The following MAN2B2 variants were observed in gnomAD, a reference collection of about 807,000 sequenced individuals.
MAN2B2 encodes the protein mannosidase alpha class 2B member 2, also known as epididymis-specific alpha-mannosidase.
MAN2B2 carries 106 observed loss-of-function variants against 117.1 expected under a neutral mutation model. The ratio of observed to expected loss-of-function variants is 0.90; its 90% CI spans 0.77 to 1.06. MAN2B2 has a LOEUF of 1.06. Among genes scored for constraint, MAN2B2 ranks in the 50% least tolerant of loss-of-function variants. MAN2B2 has a pLI of 0.00. For synonymous variants in MAN2B2, 544 were observed against 595.1 expected, an observed-to-expected ratio of 0.91 and a Z score of 1.25; for missense variants, 1,326 against 1,381.4, an observed-to-expected ratio of 0.96 and a Z score of 0.64.
chr4:6,592,137 G>A (rs1726884324), intron 5 of MAN2B2, among the ~76,000 whole-genome samples: 1 of 152,246 alleles, frequency 6.6e-6, no homozygotes, highest in Admixed American at 6.5e-5. Context: ...CAGGTGCTTA[G>A]CCTCTCTTGG....
At chr4:6,579,084 CCAT>C (rs1560634295) in intron 3 of MAN2B2, among the ~76,000 whole-genome samples, 76 of 74,304 alleles carry the variant, frequency 1.0e-3, no homozygotes, top group Non-Finnish European at 1.2e-3. Flanking sequence ...ACCACCACCA[CCAT>C]CACCATCACC....
chr4:6,593,600 C>A (rs548448398), intron 6 of MAN2B2, among the ~76,000 whole-genome samples: 1 of 152,238 alleles, frequency 6.6e-6, no homozygotes, highest in African/African-American at 2.4e-5. Context: ...CTGCCTGGGC[C>A]GGGCTGGCTC....
intron 8 of MAN2B2, 109 bp from the exon 9 acceptor site, chr4:6,598,089 T>C: frequency 7.9e-7 from 1 of 1,263,628 alleles, no homozygotes; most frequent in South Asian, 1.4e-5. Context: ...CCTTCTCCAC[T>C]GGCACCTGGC....
Position 6,605,214 on chromosome 4 carries a change from C to T in MAN2B2, c.1699C>T (p.Arg567Cys), listed in dbSNP as rs202121114. 2.4e-4 allele frequency: 380 copies of T among 1,614,204 alleles called. No homozygotes were observed. Among genetic ancestry groups the T allele is most frequent in the Non-Finnish European group, 2.8e-4 (327 of 1,180,032 alleles). ...TGTGGCGAGCACCCTTCAATTTGGC[C>T]GCAGGCTGAGGAGACGCACCAGCCA... ...ATVASTLQFG[R>C]RLRRRTSHAG... Residue 567 changes from arginine to cysteine, a missense_variant, in exon 11 of 19, where the codon CGC (arginine) becomes TGC (cysteine). Physicochemically the swap from Arg to Cys is radical, Grantham distance 180. Transcript: ENST00000285599.
At position 6,579,265 on chromosome 4, in the gene MAN2B2, CCACCATCACCACCACCAT is replaced by C. The variant is rs1560634864; in HGVS notation, c.391+791_391+808del. 2.3e-4 allele frequency among the ~76,000 whole-genome samples: 21 copies of C among 91,770 alleles called. 1 individual carries two copies. The highest frequency in any genetic ancestry group is 7.6e-4 in the Admixed American group (7 of 9,262). The allele number at this position is 91,770 out of a possible 152,430, so 60.2% of individuals were successfully genotyped here. A position where few individuals can be genotyped will look rare whatever the true frequency, so the allele number is the denominator to read the frequency against. On this transcript the variant is annotated intron_variant, in intron 3 of 18. Transcript: ENST00000285599. ...CCACCCTTCACCACCATCACCACCA[CCACCATCACCACCACCAT>C]CACCATCACCACCACCATCACCACC...
Position 6,609,839 on chromosome 4 carries a change from G to C in MAN2B2, c.2048G>C (p.Arg683Pro). 1 of 1,614,002 alleles carries C rather than the reference G, an allele frequency of 6.2e-7. No individual in the cohort carries two copies. The highest frequency in any genetic ancestry group is 8.5e-7 in the Non-Finnish European group (1 of 1,180,024). ...AATTACACGTATGCAATCCGCTCCC[G>C]GCTCACCCATGTGCCGCAGGGCCAT... The part of the protein sequence containing the change: ...AQNYTYAIRS[R>P]LTHVPQGHDG... The change falls in exon 13 of 19, where the codon CGG becomes CCG. Residue 683 changes from arginine to proline, a missense_variant. Transcript: ENST00000285599.
At position 6,609,259 on chromosome 4, in the gene MAN2B2, C is replaced by T. The variant is rs372668105; in HGVS notation, c.1967C>T (p.Ala656Val). The T allele has an allele frequency of 1.4e-5, 23 of 1,613,990 alleles. No individual in the cohort carries two copies. Among genetic ancestry groups the T allele is most frequent in the Middle Eastern group, 1.6e-4 (1 of 6,076 alleles). The change falls in exon 12 of 19, where the codon GCG becomes GTG. Residue 656 changes from alanine (A) to valine (V), a missense_variant. Coordinates refer to ENST00000285599, the MANE Select transcript of MAN2B2 (RefSeq NM_015274.3). ...AWEAVEMEIV[A>V]GQLVTEIRQY... ...GAAGCTGTGGAAATGGAGATTGTGG[C>T]GGGACAGCTTGTGACTGAGATCCGG...
At chr4:6,602,670 CTTTT>C (rs71646652) in intron 10 of MAN2B2, among the ~76,000 whole-genome samples, 5 of 138,390 alleles carry the variant, frequency 3.6e-5, no homozygotes, top group African/African-American at 2.7e-5. Flanking sequence ...GTCAGTTTTC[CTTTT>C]TTTTTTTTTT....
intron 3 of MAN2B2, among the ~76,000 whole-genome samples, chr4:6,584,802 G>A (rs1221764302): frequency 2.0e-5 from 3 of 152,208 alleles, no homozygotes; most frequent in Non-Finnish European, 4.4e-5. Context: ...ACAGGAGGGA[G>A]TAAGCGTGCC....
intron 3 of MAN2B2, among the ~76,000 whole-genome samples, chr4:6,579,072 C>CCAG (rs201102558): frequency 1.1e-4 from 7 of 63,808 alleles, no homozygotes; most frequent in African/African-American, 5.4e-4. Flanking sequence ...ATCACCATCA[C>CCAG]CACCACCACC....
In MAN2B2 at chr4:6,589,978, G is replaced by T. The variant is rs1250299854; in HGVS notation, c.680+818G>T. On this transcript the variant is annotated intron_variant, in intron 5 of 18. Transcript: ENST00000285599. ...GATGCTTAGGAGGTTGAGGCAGAAG[G>T]GTCGCCTGAATCCAGGAGTTGGAGG... Among the ~76,000 whole-genome samples the T allele has an allele frequency of 2.0e-5, 3 of 151,982 alleles. No homozygotes were observed. In the East Asian group the frequency reaches 5.8e-4, roughly 29 times the overall value.
At chr4:6,583,331 T>C (rs1417755180) in intron 3 of MAN2B2, among the ~76,000 whole-genome samples, 2 of 152,224 alleles carry the variant, frequency 1.3e-5, no homozygotes, top group East Asian at 1.9e-4. Flanking sequence ...AGTGGTGTCA[T>C]GTGACCTCTA....
chr4:6,607,769 C>G (rs1050320042), intron 11 of MAN2B2, among the ~76,000 whole-genome samples: 11 of 152,194 alleles, frequency 7.2e-5, no homozygotes, highest in Non-Finnish European at 1.6e-4. Flanking sequence ...TACTCAGTCA[C>G]AAGCTAACTC....
At chr4:6,579,110 ATC>A in intron 3 of MAN2B2, among the ~76,000 whole-genome samples, 1 of 83,824 alleles carries the variant, frequency 1.2e-5, no homozygotes. Context: ...CACCACCACC[ATC>A]ACCATCACCA....
chr4:6,596,521 C>T (rs1229301435), intron 7 of MAN2B2, among the ~76,000 whole-genome samples: 2 of 152,144 alleles, frequency 1.3e-5, no homozygotes, highest in African/African-American at 4.8e-5. Flanking sequence ...GCCCTCCTGC[C>T]TCCTGCATGG....
At chr4:6,609,702 C>T in intron 12 of MAN2B2, 96 bp from the exon 13 acceptor site, 5 of 717,100 alleles carry the variant, frequency 7.0e-6, no homozygotes, top group Non-Finnish European at 1.2e-5. Flanking sequence ...GCGTACCCTG[C>T]CCTGCCCACC....
At chr4:6,581,384 G>A (rs377264306) in intron 3 of MAN2B2, among the ~76,000 whole-genome samples, 15 of 152,118 alleles carry the variant, frequency 9.9e-5, no homozygotes, top group Non-Finnish European at 1.8e-4. Context: ...TGAGAGATGC[G>A]GGATTTATAT....
At chr4:6,599,960 C>G (rs1425747084) in intron 9 of MAN2B2, among the ~76,000 whole-genome samples, 1 of 152,166 alleles carries the variant, frequency 6.6e-6, no homozygotes, top group African/African-American at 2.4e-5. Flanking sequence ...AATGAACACA[C>G]AGGAGAGGCT....
chr4:6,607,550 C>T lies in MAN2B2; in HGVS notation c.1815-1557C>T, dbSNP rs1292096822. 2.6e-5 allele frequency among the ~76,000 whole-genome samples: 4 copies of T among 152,198 alleles called. No individual in the cohort carries two copies. The East Asian group carries it at 7.7e-4, about 29-fold the overall frequency. ...TTCAAGGTTCATCAGTATCGTAGCA[C>T]GTATCAGTACTTCGTTCCTTTTCAT... On this transcript the variant is annotated intron_variant, in intron 11 of 18. Coordinates refer to ENST00000285599, the MANE Select transcript of MAN2B2 (RefSeq NM_015274.3).
Sources: gnomAD v4.1 joint callset for allele counts (sites outside exome capture counted in the v4.1 genomes callset) on GRCh38, gnomAD v4.1.1 for gene constraint, MANE v1.5 for transcripts, NCBI Gene and HGNC (gene_info 2026-07-23, HGNC 2026-07-21) for gene names.